Variants in PBX3 observed in about 807,000 individuals in gnomAD.
The protein encoded by PBX3 is pre-B-cell leukemia transcription factor 3.
In PBX3, 14 loss-of-function variants were observed where a neutral mutation model predicts 48.5. The observed-to-expected ratio is 0.29, with a 90% confidence interval of 0.19 to 0.45. The LOEUF is 0.45. Ranked by LOEUF, PBX3 falls within the 20% of genes least tolerant of loss-of-function variation. PBX3 has a pLI of 1.00. For synonymous variants in PBX3, 210 were observed against 200.3 expected (o/e 1.05, Z -0.41); for missense variants, 386 against 546.7 (o/e 0.71, Z 2.93).
intron 5 of PBX3, among the ~76,000 whole-genome samples, chr9:125,946,985 T>G (rs1176421264): frequency 6.6e-6 from 1 of 152,182 alleles, no homozygotes; most frequent in Non-Finnish European, 1.5e-5. Context: ...TGACCACTGA[T>G]TTCTTAACTG....
intron 2 of PBX3, among the ~76,000 whole-genome samples, chr9:125,788,210 A>G (rs909843086): frequency 6.6e-6 from 1 of 152,246 alleles, no homozygotes; most frequent in Non-Finnish European, 1.5e-5. Flanking sequence ...ATATTAAGTT[A>G]GGAAAATGAA....
At chr9:125,851,870 C>CTTTTT (rs1164910184) in intron 2 of PBX3, among the ~76,000 whole-genome samples, 4 of 121,456 alleles carry the variant, frequency 3.3e-5, no homozygotes, top group African/African-American at 8.9e-5. Flanking sequence ...ATTTTTGCTG[C>CTTTTT]TTTTTTTTTT....
intron 2 of PBX3, among the ~76,000 whole-genome samples, chr9:125,821,161 C>A (rs76825789): frequency 6.6e-6 from 1 of 152,136 alleles, no homozygotes; most frequent in East Asian, 1.9e-4. Flanking sequence ...CTTTTCGTTA[C>A]CAATAAATGA....
At chr9:125,847,934 C>T (rs1331358889) in intron 2 of PBX3, among the ~76,000 whole-genome samples, 1 of 151,966 alleles carries the variant, frequency 6.6e-6, no homozygotes, top group African/African-American at 2.4e-5. Context: ...TATCTTTGTA[C>T]ACCCAGATGC....
At chr9:125,912,150 C>G (rs1841218231) in intron 2 of PBX3, among the ~76,000 whole-genome samples, 1 of 152,126 alleles carries the variant, frequency 6.6e-6, no homozygotes, top group Non-Finnish European at 1.5e-5. Context: ...TAGAAAGGCT[C>G]CTACTGTACA....
At chr9:125,924,429 CA>C (rs1841525476) in intron 3 of PBX3, among the ~76,000 whole-genome samples, 1 of 152,164 alleles carries the variant, frequency 6.6e-6, no homozygotes, top group Non-Finnish European at 1.5e-5. Flanking sequence ...ATAGCCTTTT[CA>C]GATAATTGTG....
intron 8 of PBX3, among the ~76,000 whole-genome samples, chr9:125,965,034 A>G (rs1842503005): frequency 6.6e-6 from 1 of 152,182 alleles, no homozygotes; most frequent in Admixed American, 6.5e-5. Flanking sequence ...TCCCCAACTC[A>G]CGAGGCTGGC....
intron 2 of PBX3, among the ~76,000 whole-genome samples, chr9:125,838,792 C>T (rs1839209918): frequency 6.6e-6 from 1 of 152,138 alleles, no homozygotes; most frequent in Admixed American, 6.5e-5. Context: ...GTGGCTGGTA[C>T]TAACTAGGTC....
At chr9:125,894,108 A>ATT (rs1554725059) in intron 2 of PBX3, among the ~76,000 whole-genome samples, 1 of 151,554 alleles carries the variant, frequency 6.6e-6, no homozygotes, top group Non-Finnish European at 1.5e-5. Flanking sequence ...TGTAAATAGT[A>ATT]TATTTTTTAC....
chr9:125,890,256 A>G (rs954077589), intron 2 of PBX3, among the ~76,000 whole-genome samples: 1 of 152,188 alleles, frequency 6.6e-6, no homozygotes, highest in Non-Finnish European at 1.5e-5. Flanking sequence ...GCTTCAAAAC[A>G]ATGGTGGTTG....
At chr9:125,780,587 G>T (rs1408597261) in intron 2 of PBX3, among the ~76,000 whole-genome samples, 6 of 141,184 alleles carry the variant, frequency 4.2e-5, no homozygotes, top group Non-Finnish European at 9.4e-5. Flanking sequence ...CAGTAGGGGA[G>T]GCTGGGCAGA....
At chr9:125,942,689 C>T (rs1841981483) in intron 5 of PBX3, among the ~76,000 whole-genome samples, 1 of 152,172 alleles carries the variant, frequency 6.6e-6, no homozygotes, top group Non-Finnish European at 1.5e-5. Flanking sequence ...AAGGAAAAGG[C>T]AGCTATTTTG....
chr9:125,962,153 T>C lies in PBX3; in HGVS notation c.1061T>C (p.Met354Thr). 1.2e-6 allele frequency: 2 copies of C among 1,613,584 alleles called. No individual in the cohort carries two copies. The highest frequency in any genetic ancestry group is 4.5e-5 in the East Asian group (2 of 44,882). Residue 354 changes from methionine (M) to threonine (T), a missense_variant, in exon 7 of 9, where the codon ATG becomes ACG. Met to Thr is a moderately conservative substitution (Grantham distance 81). This residue lies in a region of PBX3 where 127 missense variants were observed against 143.3 expected (regional missense o/e 0.89). Transcript: ENST00000373489. ...AATTCTGGGGACATGTTCATGAACA[T>C]GCAGAGTCTGAATGGGGATTCTTAC... ...LPNSGDMFMN[M>T]QSLNGDSYQG...
In PBX3 at chr9:125,960,716, G is replaced by A; in HGVS notation, c.876G>A (p.Arg292=). The change falls in exon 6 of 9, where the codon AGG becomes AGA. Residue 292 remains arginine (R), a synonymous_variant. Coordinates refer to ENST00000373489, the MANE Select transcript of PBX3 (RefSeq NM_006195.6). The part of the protein sequence containing the change: ...VSNWFGNKRI[R]YKKNIGKFQE... Reference sequence around the variant, plus strand: ...ATTGGTTTGGCAACAAACGAATCAGGTACAAGAAGAACATTGGCAAGTTTC... The same window carrying A: ...ATTGGTTTGGCAACAAACGAATCAGATACAAGAAGAACATTGGCAAGTTTC... 6.2e-7 allele frequency: 1 copy of A among 1,614,210 alleles called. No homozygotes were observed. The highest frequency in any genetic ancestry group is 8.5e-7 in the Non-Finnish European group (1 of 1,180,018).
In PBX3 at chr9:125,840,526, A is replaced by G. The variant is rs542281596; in HGVS notation, c.275-75160A>G. 2.2e-3 allele frequency among the ~76,000 whole-genome samples: 331 copies of G among 151,668 alleles called. 2 individuals are homozygous for G. The highest frequency in any genetic ancestry group is 7.6e-3 in the African/African-American group (314 of 41,408). ...TTAACACACCTTCCATCCCTTAGCT[A>G]TAGCTAACCCTCTGAGTGAATTTTT... On this transcript the variant is annotated intron_variant, in intron 2 of 8. Coordinates refer to ENST00000373489, the MANE Select transcript of PBX3 (RefSeq NM_006195.6).
chr9:125,836,241 C>T (rs1423289155), intron 2 of PBX3, among the ~76,000 whole-genome samples: 5 of 152,066 alleles, frequency 3.3e-5, no homozygotes, highest in East Asian at 1.9e-4. Flanking sequence ...GTCAAGAGAT[C>T]GAGACCATCC....
chr9:125,826,812 A>T (rs1198141915), intron 2 of PBX3, among the ~76,000 whole-genome samples: 2 of 152,154 alleles, frequency 1.3e-5, no homozygotes, highest in Non-Finnish European at 2.9e-5. Context: ...TAGAATGTGT[A>T]ATGATCAAGT....
chr9:125,909,476 A>G (rs1841153088), intron 2 of PBX3, among the ~76,000 whole-genome samples: 1 of 152,184 alleles, frequency 6.6e-6, no homozygotes, highest in Non-Finnish European at 1.5e-5. Flanking sequence ...GATGGCTCCA[A>G]GCAGCAAATG....
At chr9:125,946,408 A>G (rs749946292) in intron 5 of PBX3, among the ~76,000 whole-genome samples, 1 of 152,204 alleles carries the variant, frequency 6.6e-6, no homozygotes, top group African/African-American at 2.4e-5. Context: ...GAAACAACAG[A>G]CAATAGAAAC....
Sources: gnomAD v4.1 joint callset for allele counts (sites outside exome capture counted in the v4.1 genomes callset) on GRCh38, gnomAD v4.1.1 for gene constraint, gnomAD v4.1.1 regional missense constraint, MANE v1.5 for transcripts, NCBI Gene and HGNC (gene_info 2026-07-23, HGNC 2026-07-21) for gene names.